The following AKAP12 variants were observed in gnomAD, a reference collection of about 807,000 sequenced individuals.
AKAP12 encodes A-kinase anchoring protein 12.
A neutral mutation model predicts 79.9 loss-of-function variants in AKAP12; 32 were observed. That is an observed-to-expected ratio of 0.40 (90% CI 0.30 to 0.54). The LOEUF (loss-of-function observed/expected upper bound fraction) is 0.54, where lower values mean the gene tolerates loss of function less well. AKAP12 is among the 20% of genes least tolerant of loss of function. AKAP12 has a pLI of 0.48. For synonymous variants in AKAP12, 808 were observed against 857.0 expected, an observed-to-expected ratio of 0.94 and a Z score of 1.00; for missense variants, 2,074 against 2,177.0, an observed-to-expected ratio of 0.95 and a Z score of 0.94.
At chr6:151,313,807 T>C (rs943467370) in intron 3 of AKAP12, among the ~76,000 whole-genome samples, 9 of 152,206 alleles carry the variant, frequency 5.9e-5, no homozygotes, top group African/African-American at 2.2e-4. Context: ...TTGATTTGAA[T>C]ACATTTCTTT....
At chr6:151,275,732 T>C (rs1776281088) in intron 2 of AKAP12, among the ~76,000 whole-genome samples, 1 of 152,244 alleles carries the variant, frequency 6.6e-6, no homozygotes, top group African/African-American at 2.4e-5. Flanking sequence ...CTACCATCTG[T>C]TGTCAGCAGG....
chr6:151,264,369 A>T (rs911299418), intron 2 of AKAP12, among the ~76,000 whole-genome samples: 2 of 82,414 alleles, frequency 2.4e-5, no homozygotes, highest in Non-Finnish European at 4.8e-5. Context: ...CCCACCTCTT[A>T]AAAAAAAAAA....
intron 2 of AKAP12, among the ~76,000 whole-genome samples, chr6:151,272,626 C>T (rs748006342): frequency 6.6e-6 from 1 of 152,096 alleles, no homozygotes; most frequent in Non-Finnish European, 1.5e-5. Context: ...ACCTCTGCCT[C>T]CTGGGTTTGA....
At chr6:151,243,028 G>C (rs146932097) in intron 2 of AKAP12, among the ~76,000 whole-genome samples, 1 of 152,164 alleles carries the variant, frequency 6.6e-6, no homozygotes, top group Non-Finnish European at 1.5e-5. Flanking sequence ...CAGTCTGTTC[G>C]GTTATTAATA....
Position 151,352,383 on chromosome 6 carries a change from C to T in AKAP12, c.3992C>T (p.Ser1331Phe). Residue 1331 changes from serine to phenylalanine, a missense_variant, in exon 4 of 5, where the codon TCC (serine) becomes TTC (phenylalanine). This residue lies in a region of AKAP12 where 614 missense variants were observed against 665.6 expected (regional missense o/e 0.92). Coordinates refer to ENST00000402676, the MANE Select transcript of AKAP12 (RefSeq NM_005100.4). The part of the protein sequence containing the change: ...ELQSHAKSPP[S>F]PVEREMVVQV... ...CAGAGTCACGCTAAGTCTCCTCCAT[C>T]CCCCGTGGAGAGAGAGATGGTAGTT... 1.2e-6 allele frequency: 2 copies of T among 1,614,144 alleles called. No individual in the cohort carries two copies. Among genetic ancestry groups the T allele is most frequent in the Non-Finnish European group, 1.7e-6 (2 of 1,180,014 alleles).
At chr6:151,273,779 C>G (rs1776237222) in intron 2 of AKAP12, among the ~76,000 whole-genome samples, 2 of 152,110 alleles carry the variant, frequency 1.3e-5, no homozygotes, top group Admixed American at 1.3e-4. Context: ...CCTGTAATCC[C>G]AGCACTTTGG....
At chr6:151,315,076 G>A (rs2114770041) in intron 3 of AKAP12, among the ~76,000 whole-genome samples, 1 of 151,076 alleles carries the variant, frequency 6.6e-6, no homozygotes, top group Admixed American at 6.6e-5. Flanking sequence ...AAAAGATTTA[G>A]GCCCTTTTCC....
At chr6:151,278,383 T>G (rs921014457) in intron 2 of AKAP12, among the ~76,000 whole-genome samples, 3 of 151,788 alleles carry the variant, frequency 2.0e-5, no homozygotes, top group African/African-American at 7.3e-5. Context: ...GCCCAGCTAA[T>G]TTTTGTGTCT....
chr6:151,338,731 G>A (rs564256888), intron 3 of AKAP12, among the ~76,000 whole-genome samples: 61 of 152,300 alleles, frequency 4.0e-4, no homozygotes, highest in African/African-American at 1.4e-3. Context: ...GATTACAGGC[G>A]TGAGCCGCTG....
chr6:151,342,080 G>A (rs1777967095), intron 3 of AKAP12, among the ~76,000 whole-genome samples: 1 of 152,240 alleles, frequency 6.6e-6, no homozygotes, highest in Non-Finnish European at 1.5e-5. Context: ...GGCTGTGGCT[G>A]CGGTCAGCTG....
At chr6:151,324,967 C>T (rs1777487164) in intron 3 of AKAP12, 4 of 985,396 alleles carry the variant, frequency 4.1e-6, no homozygotes, top group Non-Finnish European at 4.8e-6. Context: ...TGGAACATGG[C>T]ATAGTTTGAT....
chr6:151,241,540 T>C (rs550543919), intron 2 of AKAP12, among the ~76,000 whole-genome samples: 1 of 152,306 alleles, frequency 6.6e-6, no homozygotes, highest in East Asian at 1.9e-4. Context: ...CGACTGCATT[T>C]TATCGGCTTC....
At chr6:151,341,822 C>G in intron 3 of AKAP12, 1 of 1,283,024 alleles carries the variant, frequency 7.8e-7, no homozygotes. Flanking sequence ...TCCTTCCCGT[C>G]CCAGGCTTGG....
At chr6:151,341,895 T>C in intron 3 of AKAP12, 1 of 912,528 alleles carries the variant, frequency 1.1e-6, no homozygotes, top group South Asian at 1.6e-5. Flanking sequence ...GCCCGTGGCA[T>C]CCCAGCCCAG....
intron 3 of AKAP12, among the ~76,000 whole-genome samples, chr6:151,331,689 T>A (rs1477320837): frequency 2.0e-5 from 3 of 151,836 alleles, no homozygotes; most frequent in Admixed American, 1.3e-4. Context: ...ATCGAGACCA[T>A]CCTGGCTAAC....
intron 3 of AKAP12, chr6:151,344,038 T>C (rs1247854454): frequency 5.3e-6 from 2 of 377,402 alleles, no homozygotes; most frequent in Non-Finnish European, 1.0e-5. Context: ...AAGTTTAATA[T>C]GAGTGTTTAA....
At chr6:151,333,287 T>G (rs946959890) in intron 3 of AKAP12, among the ~76,000 whole-genome samples, 1 of 152,006 alleles carries the variant, frequency 6.6e-6, no homozygotes, top group Admixed American at 6.6e-5. Context: ...TATCAATCAC[T>G]CCCTTCACTC....
intron 3 of AKAP12, among the ~76,000 whole-genome samples, chr6:151,316,907 G>A (rs1489117008): frequency 1.3e-5 from 2 of 152,148 alleles, no homozygotes; most frequent in African/African-American, 4.8e-5. Flanking sequence ...CAAAGTGCTG[G>A]GATTACAGGC....
chr6:151,310,719 A>G (rs1305064526), intron 3 of AKAP12, among the ~76,000 whole-genome samples: 1 of 152,188 alleles, frequency 6.6e-6, no homozygotes, highest in African/African-American at 2.4e-5. Context: ...ATAATAGCAT[A>G]TTTGATTTTG....
Sources: allele counts gnomAD v4.1 joint callset (sites outside exome capture counted in the v4.1 genomes callset), GRCh38; gene constraint gnomAD v4.1.1; regional missense constraint gnomAD v4.1.1; transcripts MANE v1.5; gene names NCBI Gene and HGNC (gene_info 2026-07-23, HGNC 2026-07-21).